Variants in SRBD1 observed in about 807,000 individuals in gnomAD.
SRBD1 encodes the protein S1 RNA-binding domain-containing protein 1.
A neutral mutation model predicts 115.3 loss-of-function variants in SRBD1; 88 were observed. The observed-to-expected ratio is 0.76, with a 90% CI of 0.64 to 0.91. The LOEUF is 0.91. Ranked by LOEUF, SRBD1 falls within the 40% of genes least tolerant of loss-of-function variation. SRBD1 has a pLI of 0.00. For synonymous variants in SRBD1, 509 were observed against 407.7 expected (o/e 1.25, Z -2.99); for missense variants, 1,385 against 1,177.4 (o/e 1.18, Z -2.58).
intron 16 of SRBD1, among the ~76,000 whole-genome samples, chr2:45,428,690 C>T (rs1056635652): frequency 6.6e-6 from 1 of 152,114 alleles, no homozygotes; most frequent in Non-Finnish European, 1.5e-5. Context: ...ATTTACAGCA[C>T]TAAATGCCCA....
chr2:45,404,368 G>A (rs1667371367), intron 19 of SRBD1, among the ~76,000 whole-genome samples: 1 of 152,090 alleles, frequency 6.6e-6, no homozygotes, highest in Admixed American at 6.6e-5. Flanking sequence ...TTAGAGCCAT[G>A]GGACCAGATG....
rs772331801 is a variant in SRBD1, at chr2:45,465,817, A to G, written c.2049+11176T>C. ...TAAGAAGCATTTGTGACCAGGCTAC[A>G]TTTTCTTGATTTTAAATGAACAAGA... On this transcript the variant is annotated intron_variant, in intron 16 of 20. Transcript: ENST00000263736. Among the ~76,000 whole-genome samples the G allele has an allele frequency of 1.4e-4, 21 of 152,194 alleles. 1 individual carries two copies. The highest frequency in any genetic ancestry group is 4.4e-5 in the Non-Finnish European group (3 of 68,042).
intron 10 of SRBD1, among the ~76,000 whole-genome samples, chr2:45,554,479 C>T (rs1224373488): frequency 6.6e-6 from 1 of 152,234 alleles, no homozygotes; most frequent in Non-Finnish European, 1.5e-5. Context: ...AGCAGAAACT[C>T]TGTTTCAACC....
intron 20 of SRBD1, among the ~76,000 whole-genome samples, chr2:45,392,096 T>C (rs1259567257): frequency 1.3e-5 from 2 of 152,172 alleles, no homozygotes; most frequent in Non-Finnish European, 2.9e-5. Flanking sequence ...TAGTTCTTAC[T>C]GGGTGTCATT....
intron 14 of SRBD1, among the ~76,000 whole-genome samples, chr2:45,530,979 C>G (rs1671593672): frequency 6.8e-6 from 1 of 148,126 alleles, no homozygotes; most frequent in Non-Finnish European, 1.5e-5. Context: ...ATGTACCTCT[C>G]CACCCACTTT....
intron 14 of SRBD1, among the ~76,000 whole-genome samples, chr2:45,504,170 T>C (rs1042515615): frequency 3.9e-5 from 6 of 152,176 alleles, no homozygotes; most frequent in African/African-American, 1.4e-4. Flanking sequence ...ATAAATTATC[T>C]ACTAGTCTTC....
intron 3 of SRBD1, 112 bp from the exon 4 acceptor site, chr2:45,599,947 A>G: frequency 8.1e-7 from 1 of 1,229,682 alleles, no homozygotes; most frequent in South Asian, 1.6e-5. Context: ...ATAACTTGGA[A>G]GAATCTCAAG....
rs1197395395 is a variant in SRBD1, at chr2:45,448,400, A to G, written c.2050-28506T>C. 2.6e-5 allele frequency among the ~76,000 whole-genome samples: 4 copies of G among 152,212 alleles called. No individual in the cohort carries two copies. In the East Asian group the frequency reaches 7.7e-4, roughly 29 times the overall value. ...TCACCATGACCATTACCATATGCTG[A>G]GTAAGGAAAAAAACCCAAAATCCCA... is the stretch of plus-strand genomic sequence containing the variant. On this transcript the variant is annotated intron_variant, in intron 16 of 20. Coordinates refer to ENST00000263736, the MANE Select transcript of SRBD1 (RefSeq NM_018079.5).
At chr2:45,600,710 A>G (rs984430302) in intron 3 of SRBD1, among the ~76,000 whole-genome samples, 1 of 152,174 alleles carries the variant, frequency 6.6e-6, no homozygotes, top group African/African-American at 2.4e-5. Context: ...CTTGGCACCC[A>G]TCTCGGCACT....
chr2:45,486,155 C>T (rs1327578593), intron 15 of SRBD1, among the ~76,000 whole-genome samples: 2 of 152,076 alleles, frequency 1.3e-5, no homozygotes, highest in Non-Finnish European at 2.9e-5. Context: ...ACCTATAATA[C>T]TGTGACAATT....
intron 14 of SRBD1, among the ~76,000 whole-genome samples, chr2:45,523,834 A>G (rs1025058389): frequency 2.0e-5 from 3 of 152,014 alleles, no homozygotes; most frequent in Non-Finnish European, 4.4e-5. Flanking sequence ...TAAAAAGCCA[A>G]CATTACCCTA....
intron 14 of SRBD1, among the ~76,000 whole-genome samples, chr2:45,518,895 C>A (rs1015368123): frequency 6.6e-6 from 1 of 150,434 alleles, no homozygotes; most frequent in African/African-American, 2.4e-5. Context: ...TTATTTAAAT[C>A]TCATTTTTCC....
At chr2:45,502,507 A>T (rs139167400) in intron 14 of SRBD1, among the ~76,000 whole-genome samples, 6,057 of 152,292 alleles carry the variant, frequency 0.04, 219 homozygotes, top group East Asian at 0.13. Flanking sequence ...AGCCATAAAA[A>T]AGGACCAGTT....
Position 45,424,348 on chromosome 2 carries a change from ATT to A in SRBD1, c.2050-4456_2050-4455del, listed in dbSNP as rs149208979. Among the ~76,000 whole-genome samples, 1,431 of 152,208 alleles carry A rather than the reference ATT, an allele frequency of 9.4e-3. 23 individuals carry two copies. The highest frequency in any genetic ancestry group is 0.032 in the African/African-American group (1,345 of 41,542). On this transcript the variant is annotated intron_variant, in intron 16 of 20. Transcript: ENST00000263736. ...TTGATGAATCTCATCTGAATAAATT[ATT>A]ATTAAGATTATTTTGCTACTCACAA...
rs150264684 is a variant in SRBD1 at position 45,389,452 on chromosome 2, C to T, written c.2846G>A (p.Arg949Gln). ...TGAAAGTTTTGCTTCTGTTACATTT[C>T]GTATGGGAATCAGCCCAGATTTCCC... is the stretch of plus-strand genomic sequence containing the variant. The part of the protein sequence containing the change: ...GVGKSGLIPI[R>Q]NVTEAKLSKT... The change falls in exon 21 of 21, where the codon CGA (arginine) becomes CAA (glutamine). Residue 949 changes from arginine (R) to glutamine (Q), a missense_variant. Transcript: ENST00000263736. 1.3e-5 allele frequency: 21 copies of T among 1,613,916 alleles called. No homozygotes were observed. The highest frequency in any genetic ancestry group is 4.4e-5 in the South Asian group (4 of 91,080).
At chr2:45,392,606 T>C (rs916234442) in intron 20 of SRBD1, among the ~76,000 whole-genome samples, 1 of 152,148 alleles carries the variant, frequency 6.6e-6, no homozygotes, top group African/African-American at 2.4e-5. Context: ...TGCTTTACCT[T>C]GCACTTCTGG....
rs755888230 is a variant in SRBD1 at position 45,581,682 on chromosome 2, G to A, written c.933+11C>T. 1.5e-5 allele frequency: 24 copies of A among 1,600,850 alleles called. No homozygotes were observed. The African/African-American group carries it at 2.6e-4, about 17-fold the overall frequency. ...CAGGTATTACATTAAAAGATAAAAA[G>A]GATTCCTTACCACGTGTTCTAGTTC... On this transcript the variant is annotated intron_variant, in intron 6 of 20. Transcript: ENST00000263736.
intron 15 of SRBD1, among the ~76,000 whole-genome samples, chr2:45,477,707 G>T (rs562396533): frequency 6.6e-6 from 1 of 152,088 alleles, no homozygotes; most frequent in Non-Finnish European, 1.5e-5. Context: ...GAGCTACTGC[G>T]CCCAGCAGAA....
At chr2:45,587,316 A>G (rs1319900281) in intron 4 of SRBD1, among the ~76,000 whole-genome samples, 1 of 149,062 alleles carries the variant, frequency 6.7e-6, no homozygotes, top group Admixed American at 6.7e-5. Context: ...TTAAAAGATG[A>G]TTAATTATTT....
Sources: allele counts gnomAD v4.1 joint callset (sites outside exome capture counted in the v4.1 genomes callset), GRCh38; gene constraint gnomAD v4.1.1; transcripts MANE v1.5; gene names NCBI Gene and HGNC (gene_info 2026-07-23, HGNC 2026-07-21).